TBC1D8: variants seen among roughly 807,000 people sequenced by gnomAD.
The protein encoded by TBC1D8 is TBC1 domain family member 8, also known as BUB2-like protein 1.
Under a neutral mutation model 118.8 loss-of-function variants are expected in TBC1D8, and 65 were observed. The observed-to-expected ratio is 0.55, with a 90% CI of 0.45 to 0.67. The LOEUF (loss-of-function observed/expected upper bound fraction) is 0.67, where lower values mean the gene tolerates loss of function less well. Among genes scored for constraint, TBC1D8 ranks in the 30% least tolerant of loss-of-function variants. The probability of loss-of-function intolerance (pLI) is 0.00; values close to 1 mark genes in which losing one functional copy is unlikely to be tolerated. For synonymous variants in TBC1D8, 566 were observed against 595.8 expected, an observed-to-expected ratio of 0.95 and a Z score of 0.73; for missense variants, 1,376 against 1,471.2, an observed-to-expected ratio of 0.94 and a Z score of 1.06.
In TBC1D8 at chr2:101,022,318, G is replaced by A. The variant is rs1396557175; in HGVS notation, c.2724C>T (p.Asp908=). ...RTFRLLDDNM[D]QLIEFKAFVS... Reference sequence around the variant, plus strand: ...CAAACGCTTTGAACTCGATGAGCTGGTCCATGTTGTCATCCAAGAGCCTGA... The same window carrying A: ...CAAACGCTTTGAACTCGATGAGCTGATCCATGTTGTCATCCAAGAGCCTGA... Residue 908 remains aspartate, a synonymous_variant, in exon 16 of 20, where the codon GAC becomes GAT. Transcript: ENST00000409318. 1 of 1,612,758 alleles carries A rather than the reference G, an allele frequency of 6.2e-7. No individual in the cohort carries two copies. Among genetic ancestry groups the A allele is most frequent in the Non-Finnish European group, 8.5e-7 (1 of 1,179,602 alleles).
In TBC1D8 at chr2:101,090,230, C is replaced by T. The variant is rs752980979; in HGVS notation, c.262G>A (p.Val88Ile). 9 of 1,613,652 alleles carry T rather than the reference C, an allele frequency of 5.6e-6. No homozygotes were observed. The highest frequency in any genetic ancestry group is 2.2e-5 in the South Asian group (2 of 91,046). The change falls in exon 2 of 20, where the codon GTT becomes ATT. Residue 88 changes from valine to isoleucine, a missense_variant. Val to Ile is a conservative substitution (Grantham distance 29). Coordinates refer to ENST00000409318, the MANE Select transcript of TBC1D8 (RefSeq NM_001330348.2). ...ACGELLNGSD[V>I]YWAIATGATL... is the part of the protein sequence containing the mutation. ...TCACCAGTGGCTATGGCCCAGTAAACGTCTGATCCATTCAGTAACTCACCA... is the reference window on the plus strand; with the variant it reads ...TCACCAGTGGCTATGGCCCAGTAAATGTCTGATCCATTCAGTAACTCACCA...
chr2:101,121,938 C>T (rs952954878), intron 1 of TBC1D8, among the ~76,000 whole-genome samples: 6 of 151,966 alleles, frequency 3.9e-5, no homozygotes, highest in African/African-American at 1.4e-4. Flanking sequence ...TGGCGGCAGG[C>T]GCTTATAGTC....
intron 11 of TBC1D8, among the ~76,000 whole-genome samples, chr2:101,031,854 G>A (rs1411148312): frequency 6.6e-6 from 1 of 151,994 alleles, no homozygotes; most frequent in Non-Finnish European, 1.5e-5. Flanking sequence ...GTCTGAACAA[G>A]CTCCCTGAGC....
intron 1 of TBC1D8, among the ~76,000 whole-genome samples, chr2:101,110,788 T>C (rs1419376722): frequency 6.6e-6 from 1 of 151,986 alleles, no homozygotes; most frequent in Non-Finnish European, 1.5e-5. Flanking sequence ...CTGGCCAATA[T>C]GGTGAAACCC....
chr2:101,128,367 G>C (rs1032044051), intron 1 of TBC1D8, among the ~76,000 whole-genome samples: 4 of 152,194 alleles, frequency 2.6e-5, no homozygotes, highest in African/African-American at 9.7e-5. Flanking sequence ...CTCCACTCAA[G>C]CTTCCTGGGA....
In TBC1D8 at chr2:101,060,721, C is replaced by T. The variant is rs371180532; in HGVS notation, c.284-1182G>A. ...GTAAGCACACGACTAGAAGCACACA[C>T]GGTCCTGGACAACAAAAGGCACGTG... On this transcript the variant is annotated intron_variant, in intron 2 of 19. Transcript: ENST00000409318. 1.8e-4 allele frequency among the ~76,000 whole-genome samples: 27 copies of T among 152,294 alleles called. No individual in the cohort carries two copies. The South Asian group carries it at 4.1e-3, about 23-fold the overall frequency.
At chr2:101,115,836 C>T (rs556885085) in intron 1 of TBC1D8, among the ~76,000 whole-genome samples, 3 of 152,162 alleles carry the variant, frequency 2.0e-5, no homozygotes, top group South Asian at 4.1e-4. Flanking sequence ...GTGATGGAAC[C>T]GGACCATCAC....
At chr2:101,109,282 G>T (rs1254179458) in intron 1 of TBC1D8, among the ~76,000 whole-genome samples, 1 of 152,144 alleles carries the variant, frequency 6.6e-6, no homozygotes, top group East Asian at 1.9e-4. Flanking sequence ...GCACAACTCT[G>T]CAGACAAGGG....
At chr2:101,038,715 A>C (rs1196742173) in intron 6 of TBC1D8, 60 bp from the exon 7 acceptor site, 2 of 1,577,328 alleles carry the variant, frequency 1.3e-6, no homozygotes, top group East Asian at 2.2e-5. Flanking sequence ...ATGTTATTAC[A>C]TATGCAGAAG....
At chr2:101,023,255 A>G (rs538275766) in intron 15 of TBC1D8, among the ~76,000 whole-genome samples, 1 of 151,696 alleles carries the variant, frequency 6.6e-6, no homozygotes, top group South Asian at 2.1e-4. Flanking sequence ...AACCAGTCTC[A>G]TGCCTCAGCC....
chr2:101,102,878 TA>T (rs558407070), intron 1 of TBC1D8, among the ~76,000 whole-genome samples: 31 of 147,790 alleles, frequency 2.1e-4, no homozygotes, highest in African/African-American at 2.5e-4. Context: ...AAAATAAAAT[TA>T]AAAAAAAAAT....
rs568883327 is a variant in TBC1D8, at chr2:101,028,255, C to CG, written c.2352+47dup. 8.6e-4 allele frequency: 1,296 copies of CG among 1,500,412 alleles called. 10 individuals carry two copies. The South Asian group carries it at 0.014, about 16-fold the overall frequency. The allele number at this position is 1,500,412 out of a possible 1,614,324, so 92.9% of individuals were successfully genotyped here. On this transcript the variant is annotated intron_variant, in intron 13 of 19. Coordinates refer to ENST00000409318, the MANE Select transcript of TBC1D8 (RefSeq NM_001330348.2). ...ACATCCATCCCCCAGTCACAATTCC[C>CG]GGGGGGTTAGGGGCTGCAACGGGGC... is the stretch of plus-strand genomic sequence containing the variant.
chr2:101,011,100 A>C (rs1199408591), intron 18 of TBC1D8, 74 bp from the exon 19 acceptor site: 1 of 1,419,592 alleles, frequency 7.0e-7, no homozygotes, highest in Admixed American at 1.8e-5. Context: ...ACTATGTAGG[A>C]GAGAGGAGCA....
chr2:101,032,617 G>T, intron 10 of TBC1D8: 1 of 468,050 alleles, frequency 2.1e-6, no homozygotes, highest in South Asian at 3.7e-5. Context: ...TCCCCATCTA[G>T]CAATGTGGAA....
Position 101,033,681 on chromosome 2 carries a change from C to A in TBC1D8, c.1681G>T (p.Val561Leu), listed in dbSNP as rs1558638213. ...VEESLGKCCL[V>L]TEEIERDLHR... ...AGGTCTCGTTCTATCTCCTCGGTTA[C>A]CAGGCAGCATTTCCCCAGGGACTCC... Residue 561 changes from valine (V) to leucine (L), a missense_variant, in exon 10 of 20, where the codon GTA (valine) becomes TTA (leucine). Transcript: ENST00000409318. 2 of 1,613,936 alleles carry A rather than the reference C, an allele frequency of 1.2e-6. No homozygotes were observed. The highest frequency in any genetic ancestry group is 1.7e-6 in the Non-Finnish European group (2 of 1,179,876).
At chr2:101,118,947 T>C (rs904314112) in intron 1 of TBC1D8, among the ~76,000 whole-genome samples, 1 of 152,008 alleles carries the variant, frequency 6.6e-6, no homozygotes, top group East Asian at 1.9e-4. Flanking sequence ...GAGGCAGAGG[T>C]TGCACAGAGC....
chr2:101,070,416 AT>A (rs67281797), intron 2 of TBC1D8, among the ~76,000 whole-genome samples: 20 of 144,572 alleles, frequency 1.4e-4, no homozygotes, highest in Admixed American at 2.8e-4. Context: ...AACAAATCTG[AT>A]TTTTTTTTTT....
chr2:101,078,848 C>T (rs1259712101), intron 2 of TBC1D8, among the ~76,000 whole-genome samples: 3 of 149,454 alleles, frequency 2.0e-5, no homozygotes, highest in African/African-American at 7.4e-5. Context: ...GGCAAGAAAA[C>T]GGGCAGAAGT....
intron 11 of TBC1D8, among the ~76,000 whole-genome samples, chr2:101,031,453 G>A (rs1031794807): frequency 3.3e-5 from 5 of 152,090 alleles, no homozygotes; most frequent in East Asian, 3.9e-4. Flanking sequence ...ATATCCACTC[G>A]GTTGCTAAAT....
Sources: gnomAD v4.1 joint callset for allele counts (sites outside exome capture counted in the v4.1 genomes callset) on GRCh38, gnomAD v4.1.1 for gene constraint, MANE v1.5 for transcripts, NCBI Gene and HGNC (gene_info 2026-07-23, HGNC 2026-07-21) for gene names.